The following JAKMIP3 variants were observed in gnomAD, a reference collection of about 807,000 sequenced individuals.
JAKMIP3 encodes the protein Janus kinase and microtubule interacting protein 3, also known as janus kinase and microtubule-interacting protein 3.
Under a neutral mutation model 118.5 loss-of-function variants are expected in JAKMIP3, and 58 were observed. That is an observed-to-expected ratio of 0.49 (90% CI 0.40 to 0.61). The LOEUF (loss-of-function observed/expected upper bound fraction) is 0.61, where lower values mean the gene tolerates loss of function less well. Ranked by LOEUF, JAKMIP3 falls within the 20% of genes least tolerant of loss-of-function variation. JAKMIP3 has a pLI of 0.00. For synonymous variants in JAKMIP3, 486 were observed against 451.2 expected (o/e 1.08, Z -0.98); for missense variants, 950 against 1,109.0 (o/e 0.86, Z 2.04).
chr10:132,149,452 C>T lies in JAKMIP3; in HGVS notation c.1889C>T (p.Thr630Met), dbSNP rs778783965. Residue 630 changes from threonine to methionine, a missense_variant, in exon 15 of 24, where the codon ACG becomes ATG. Coordinates refer to ENST00000684848, the MANE Select transcript of JAKMIP3 (RefSeq NM_001323087.2). ...TCACCCGCCATCAGCTTCCACCACA[C>T]GCCCTTCGTGGACGGGAAGAGCCCC... ...RKSPAISFHH[T>M]PFVDGKSPLQ... The T allele has an allele frequency of 2.7e-5, 44 of 1,606,574 alleles. No homozygotes were observed. Among genetic ancestry groups the T allele is most frequent in the Non-Finnish European group, 3.3e-5 (39 of 1,177,452 alleles).
Position 132,168,217 on chromosome 10 carries a change from C to T in JAKMIP3, c.*287C>T, listed in dbSNP as rs1291691672. ...CTGCTGGACCCTGGGTCCCTTCTCC[C>T]GGACGGCAGCCCCCATCCCATTTCC... On this transcript the variant is annotated 3_prime_UTR_variant, in exon 23 of 24. Transcript: ENST00000684848. 1.2e-5 allele frequency: 16 copies of T among 1,288,900 alleles called. No homozygotes were observed. Among genetic ancestry groups the T allele is most frequent in the Admixed American group, 6.9e-5 (3 of 43,482 alleles). The allele number at this position is 1,288,900 out of a possible 1,614,324, so 79.8% of individuals were successfully genotyped here.
At chr10:132,068,640 C>G (rs2039323150) in intron 1 of JAKMIP3, among the ~76,000 whole-genome samples, 1 of 152,182 alleles carries the variant, frequency 6.6e-6, no homozygotes. Flanking sequence ...CACCTTAGCC[C>G]CAGGAGCTGC....
chr10:132,111,257 C>T lies in JAKMIP3; in HGVS notation c.136-5820C>T, dbSNP rs570245271. On this transcript the variant is annotated intron_variant, in intron 2 of 23. Coordinates refer to ENST00000684848, the MANE Select transcript of JAKMIP3 (RefSeq NM_001323087.2). ...GACCTGTGGAGGGAGGCAGCAATGA[C>T]GGGGACAGGGGCCGAGGCAAGGGGT... 1.6e-4 allele frequency among the ~76,000 whole-genome samples: 25 copies of T among 152,034 alleles called. 1 individual carries two copies. Among genetic ancestry groups the T allele is most frequent in the East Asian group, 9.7e-4 (5 of 5,152 alleles).
intron 1 of JAKMIP3, among the ~76,000 whole-genome samples, chr10:132,048,249 A>G (rs959289050): frequency 6.6e-6 from 1 of 152,170 alleles, no homozygotes; most frequent in Non-Finnish European, 1.5e-5. Context: ...TTTCCTCCGT[A>G]GTTAATGGCT....
intron 3 of JAKMIP3, among the ~76,000 whole-genome samples, chr10:132,124,823 A>G (rs2049204662): frequency 6.6e-6 from 1 of 152,256 alleles, no homozygotes; most frequent in South Asian, 2.1e-4. Context: ...CAGAAGAGCC[A>G]TTCGGCTGGT....
intron 21 of JAKMIP3, 117 bp from the exon 22 acceptor site, chr10:132,166,866 C>T (rs2058960033): frequency 4.0e-6 from 3 of 750,138 alleles, no homozygotes; most frequent in Admixed American, 2.3e-5. Context: ...GTCCTCTCCT[C>T]CCTGCCAACA....
chr10:132,147,505 C>A (rs543919012), intron 13 of JAKMIP3, among the ~76,000 whole-genome samples: 22 of 152,360 alleles, frequency 1.4e-4, no homozygotes, highest in African/African-American at 5.3e-4. Flanking sequence ...TGGGCACAGC[C>A]TGGGCTCCAA....
Position 132,050,585 on chromosome 10 carries a change from A to G in JAKMIP3, c.-138+13847A>G, listed in dbSNP as rs9419170. On this transcript the variant is annotated intron_variant, in intron 1 of 23. Coordinates refer to the JAKMIP3 transcript ENST00000657785. The stretch of plus-strand genomic sequence containing the variant: ...TCATGCCAAGGGTGTAGTTTGGTGA[A>G]GGATTTCTTGAGGTTGTAAAATTAT... Among the ~76,000 whole-genome samples, 1,477 of 152,252 alleles carry G rather than the reference A, an allele frequency of 9.7e-3. 33 individuals are homozygous for G. The highest frequency in any genetic ancestry group is 0.034 in the African/African-American group (1,402 of 41,526).
upstream of JAKMIP3, among the ~76,000 whole-genome samples, chr10:132,062,013 A>G (rs898615298): frequency 1.1e-4 from 16 of 152,148 alleles, no homozygotes; most frequent in African/African-American, 3.6e-4. Context: ...GCCTCCTTCA[A>G]AGCCACGGGT....
chr10:132,108,397 G>C (rs2135061067), intron 2 of JAKMIP3, among the ~76,000 whole-genome samples: 1 of 152,192 alleles, frequency 6.6e-6, no homozygotes, highest in Middle Eastern at 3.4e-3. Flanking sequence ...AACATTAAAG[G>C]AGTTTCCAGG....
At chr10:132,073,496 T>A (rs369871708) in intron 1 of JAKMIP3, among the ~76,000 whole-genome samples, 52,287 of 136,098 alleles carry the variant, frequency 0.38, 10,171 homozygotes, top group African/African-American at 0.52. Context: ...ATCTTTACTT[T>A]TTTTTTTTTT....
intron 1 of JAKMIP3, among the ~76,000 whole-genome samples, chr10:132,084,688 CA>C (rs1793055276): frequency 2.6e-5 from 4 of 152,148 alleles, no homozygotes; most frequent in Admixed American, 1.3e-4. Context: ...TTTTCCCATT[CA>C]GTCTGATGTT....
Position 132,168,066 on chromosome 10 carries a change from C to T in JAKMIP3, c.*136C>T, listed in dbSNP as rs1051128058. 2.3e-6 allele frequency: 3 copies of T among 1,289,408 alleles called. No homozygotes were observed. The African/African-American group carries it at 4.6e-5, about 20-fold the overall frequency. 79.9% of individuals were successfully genotyped at this position (1,289,408 alleles called of 1,614,324 possible). On this transcript the variant is annotated 3_prime_UTR_variant, in exon 23 of 24. Transcript: ENST00000684848. Reference sequence around the variant, plus strand: ...GAGATTTGGTCTCTGCACGCCCGTCCCGTGGAGGAAGAGTGAGAAGGGGCA... The same window carrying T: ...GAGATTTGGTCTCTGCACGCCCGTCTCGTGGAGGAAGAGTGAGAAGGGGCA...
rs1310340085 is a variant in JAKMIP3, at chr10:132,145,622, A to G, written c.1749+42A>G. On this transcript the variant is annotated intron_variant, in intron 13 of 23. Coordinates refer to ENST00000684848, the MANE Select transcript of JAKMIP3 (RefSeq NM_001323087.2). ...TGGAGGCCCTGGCAGGACTCGCTCT[A>G]TGCTCCTGGGGGTTGCAGTGGTCCC... 7.9e-6 allele frequency: 12 copies of G among 1,514,126 alleles called. No individual in the cohort carries two copies. In the East Asian group the frequency reaches 9.8e-5, roughly 12 times the overall value. The allele number at this position is 1,514,126 out of a possible 1,614,324, so 93.8% of individuals were successfully genotyped here.
In JAKMIP3 at chr10:132,104,959, A is replaced by T. The variant is rs1436766056; in HGVS notation, c.135+16A>T. On this transcript the variant is annotated intron_variant, in intron 2 of 23. Coordinates refer to ENST00000684848, the MANE Select transcript of JAKMIP3 (RefSeq NM_001323087.2). Reference sequence around the variant, plus strand: ...GAAGAGCAAGGTGGGCGCTCCCCAGACCTCCACCCTTGAATGTCCCTCCCT... The same window carrying T: ...GAAGAGCAAGGTGGGCGCTCCCCAGTCCTCCACCCTTGAATGTCCCTCCCT... The T allele has an allele frequency of 1.9e-6, 3 of 1,580,274 alleles. No homozygotes were observed. Among genetic ancestry groups the T allele is most frequent in the Admixed American group, 1.8e-5 (1 of 55,900 alleles).
At chr10:132,120,332 G>A (rs903880673) in intron 3 of JAKMIP3, among the ~76,000 whole-genome samples, 2 of 152,294 alleles carry the variant, frequency 1.3e-5, no homozygotes, top group South Asian at 4.1e-4. Context: ...ATTGGCTGGG[G>A]GCTCACATCC....
chr10:132,111,819 C>T (rs917718388), intron 2 of JAKMIP3, among the ~76,000 whole-genome samples: 5 of 152,078 alleles, frequency 3.3e-5, no homozygotes, highest in Non-Finnish European at 4.4e-5. Context: ...GTTAAACATA[C>T]CCTCTGGCTG....
intron 1 of JAKMIP3, among the ~76,000 whole-genome samples, chr10:132,078,939 C>T (rs2041317002): frequency 1.3e-5 from 2 of 152,224 alleles, no homozygotes; most frequent in Non-Finnish European, 2.9e-5. Context: ...CCGGTGTTGT[C>T]TGACTGCACA....
Position 132,118,583 on chromosome 10 carries a change from G to A in JAKMIP3, c.633+1009G>A, listed in dbSNP as rs1449623762. On this transcript the variant is annotated intron_variant, in intron 3 of 23. Coordinates refer to ENST00000684848, the MANE Select transcript of JAKMIP3 (RefSeq NM_001323087.2). The surrounding 1 kb of genome is among the most constrained non-coding windows in gnomAD (Gnocchi z 4.8). ...TGGGCCAGCATGTGGAACTCCCAGA[G>A]AGGGGCAGCCGCTCTCCACACCCAC... Among the ~76,000 whole-genome samples, 1 of 152,210 alleles carries A rather than the reference G, an allele frequency of 6.6e-6. No individual in the cohort carries two copies. Among genetic ancestry groups the A allele is most frequent in the Non-Finnish European group, 1.5e-5 (1 of 68,024 alleles).
Sources: allele counts gnomAD v4.1 joint callset (sites outside exome capture counted in the v4.1 genomes callset), GRCh38; gene constraint gnomAD v4.1.1; non-coding constraint Gnocchi (gnomAD v3.1); transcripts MANE v1.5; gene names NCBI Gene and HGNC (gene_info 2026-07-23, HGNC 2026-07-21).